LRP6: variants seen among roughly 807,000 people sequenced by gnomAD.
LRP6 encodes the protein low-density lipoprotein receptor-related protein 6.
A neutral mutation model predicts 184.1 loss-of-function variants in LRP6; 43 were observed. The observed-to-expected ratio is 0.23, with a 90% confidence interval of 0.18 to 0.30. The LOEUF is 0.30. LRP6 is among the 10% of genes least tolerant of loss of function. The pLI, the probability that LRP6 is intolerant of heterozygous loss-of-function variation, is 1.00. For missense variants in LRP6, 1,571 were observed against 2,005.3 expected, an observed-to-expected ratio of 0.78 and a Z score of 4.14; for synonymous variants, 719 against 684.9, an observed-to-expected ratio of 1.05 and a Z score of -0.78.
At chr12:12,162,832 T>A (rs1411385456) in intron 9 of LRP6, among the ~76,000 whole-genome samples, 1 of 152,226 alleles carries the variant, frequency 6.6e-6, no homozygotes, top group Non-Finnish European at 1.5e-5. Flanking sequence ...ACCATTATAC[T>A]ACCATTATAG....
At chr12:12,220,287 C>CAAAA (rs924870246) in intron 2 of LRP6, among the ~76,000 whole-genome samples, 1 of 126,448 alleles carries the variant, frequency 7.9e-6, no homozygotes. Context: ...GAACCTGCCT[C>CAAAA]AAAAAAAAAA....
intron 3 of LRP6, among the ~76,000 whole-genome samples, chr12:12,191,861 T>C (rs532817095): frequency 6.9e-4 from 104 of 150,970 alleles, no homozygotes; most frequent in Non-Finnish European, 3.6e-4. Context: ...TATTACATAA[T>C]AGAAAAAAAT....
At chr12:12,144,583 G>GC (rs1456246260) in intron 15 of LRP6, among the ~76,000 whole-genome samples, 1 of 152,194 alleles carries the variant, frequency 6.6e-6, no homozygotes, top group Non-Finnish European at 1.5e-5. Context: ...TGAGGCTGCA[G>GC]CAAGCTATAA....
intron 19 of LRP6, among the ~76,000 whole-genome samples, chr12:12,129,550 GTCTTTTTTT>G (rs1354312821): frequency 6.6e-6 from 1 of 151,776 alleles, no homozygotes; most frequent in Non-Finnish European, 1.5e-5. Flanking sequence ...TCAACACCCA[GTCTTTTTTT>G]TCTTTTTTTT....
chr12:12,116,955 T>C lies in LRP6; in HGVS notation c.*4171A>G, dbSNP rs1271159843. 1 of 151,890 alleles carries C rather than the reference T, an allele frequency of 6.6e-6. No homozygotes were observed. Among genetic ancestry groups the C allele is most frequent in the Non-Finnish European group, 1.5e-5 (1 of 68,018 alleles). The allele number at this position is 151,890 out of a possible 1,614,324, so 9.4% of individuals were successfully genotyped here. A position where few individuals can be genotyped will look rare whatever the true frequency, so the allele number is the denominator to read the frequency against. ...GAGTGTGAATTCACAATACTTATAATTTAAATTTTAAAAAAATTATAAACG... is the reference window on the plus strand; with the variant it reads ...GAGTGTGAATTCACAATACTTATAACTTAAATTTTAAAAAAATTATAAACG... On this transcript the variant is annotated 3_prime_UTR_variant, in exon 23 of 23. Coordinates refer to ENST00000261349, the MANE Select transcript of LRP6 (RefSeq NM_002336.3).
At chr12:12,143,974 CCCT>C (rs1336385978) in intron 15 of LRP6, among the ~76,000 whole-genome samples, 4 of 152,088 alleles carry the variant, frequency 2.6e-5, no homozygotes, top group African/African-American at 9.7e-5. Flanking sequence ...AATTTCTCAT[CCCT>C]CAACTCCCAT....
intron 3 of LRP6, among the ~76,000 whole-genome samples, chr12:12,192,722 G>A (rs546285979): frequency 6.6e-6 from 1 of 152,016 alleles, no homozygotes; most frequent in Non-Finnish European, 1.5e-5. Context: ...CCTAAAAACA[G>A]AGCCCCAGAA....
chr12:12,149,993 C>T (rs34546524), intron 13 of LRP6, among the ~76,000 whole-genome samples: 8,963 of 152,104 alleles, frequency 0.059, 316 homozygotes, highest in Middle Eastern at 0.18. Context: ...CTCAGCAGCC[C>T]TAAATATATT....
At position 12,204,220 on chromosome 12, in the gene LRP6, T is replaced by C. The variant is rs926061127; in HGVS notation, c.450-820A>G. Among the ~76,000 whole-genome samples the C allele has an allele frequency of 2.0e-5, 3 of 147,930 alleles. No homozygotes were observed. In the South Asian group the frequency reaches 6.5e-4, roughly 32 times the overall value. ...ATAAAATTATGAGGAAACAGTGTGA[T>C]TCAAGTCGAGAGACACTACAAAACA... On this transcript the variant is annotated intron_variant, in intron 2 of 22. Transcript: ENST00000261349.
At chr12:12,155,752 C>G in intron 12 of LRP6, 1 of 979,668 alleles carries the variant, frequency 1.0e-6, no homozygotes, top group Non-Finnish European at 1.7e-6. Flanking sequence ...GGAACCTATT[C>G]CCTATGAATT....
At position 12,173,954 on chromosome 12, in the gene LRP6, T is replaced by C. The variant is rs113158489; in HGVS notation, c.1545+5856A>G. The stretch of plus-strand genomic sequence containing the variant: ...GGAATCTAATGATGGAGTTTATCAA[T>C]ATCATTCTTCTCTGATCATATGTTA... On this transcript the variant is annotated intron_variant, in intron 7 of 22. Coordinates refer to ENST00000261349, the MANE Select transcript of LRP6 (RefSeq NM_002336.3). 6.0e-3 allele frequency among the ~76,000 whole-genome samples: 909 copies of C among 152,324 alleles called. 6 individuals carry two copies. Among genetic ancestry groups the C allele is most frequent in the Middle Eastern group, 0.024 (7 of 294 alleles).
chr12:12,219,717 C>A (rs1193295224), intron 2 of LRP6, among the ~76,000 whole-genome samples: 3 of 152,172 alleles, frequency 2.0e-5, no homozygotes, highest in Admixed American at 1.3e-4. Context: ...TTGGAGAATT[C>A]TTCACTTTAT....
chr12:12,218,097 G>T (rs1025722867), intron 2 of LRP6, among the ~76,000 whole-genome samples: 23 of 152,312 alleles, frequency 1.5e-4, no homozygotes, highest in African/African-American at 5.5e-4. Context: ...GCAACCCACA[G>T]AACAGGAAAT....
At chr12:12,244,725 CA>C in intron 1 of LRP6, 70 bp from the exon 2 acceptor site, 10 of 1,490,508 alleles carry the variant, frequency 6.7e-6, no homozygotes, top group Non-Finnish European at 9.2e-6. Flanking sequence ...AACTGCGTTT[CA>C]AATCGGTTTA....
At chr12:12,230,016 T>TG (rs1864740444) in intron 2 of LRP6, among the ~76,000 whole-genome samples, 1 of 152,252 alleles carries the variant, frequency 6.6e-6, no homozygotes, top group Non-Finnish European at 1.5e-5. Context: ...TGTTATATGC[T>TG]GTTCATTAGC....
intron 15 of LRP6, among the ~76,000 whole-genome samples, chr12:12,140,849 G>A (rs1949923472): frequency 6.6e-6 from 1 of 151,960 alleles, no homozygotes; most frequent in Non-Finnish European, 1.5e-5. Context: ...TGATCTGCCC[G>A]CCTCAGCCTC....
At chr12:12,152,260 C>G (rs1258627925) in intron 12 of LRP6, among the ~76,000 whole-genome samples, 1 of 152,184 alleles carries the variant, frequency 6.6e-6, no homozygotes, top group Non-Finnish European at 1.5e-5. Context: ...GCCTCCCCAG[C>G]CATGTGGAAC....
At chr12:12,186,658 CTT>C (rs34355990) in intron 4 of LRP6, 2,596 of 284,712 alleles carry the variant, frequency 9.1e-3, no homozygotes, top group Middle Eastern at 0.013. Flanking sequence ...GGGATTTTAA[CTT>C]TTTTTTTTTT....
intron 17 of LRP6, among the ~76,000 whole-genome samples, chr12:12,134,049 CT>C (rs1466694273): frequency 3.3e-5 from 5 of 152,122 alleles, no homozygotes; most frequent in African/African-American, 1.2e-4. Flanking sequence ...TTCAAATCCC[CT>C]ACGGTCCAAG....
Sources: gnomAD v4.1 joint callset for allele counts (sites outside exome capture counted in the v4.1 genomes callset) on GRCh38, gnomAD v4.1.1 for gene constraint, MANE v1.5 for transcripts, NCBI Gene and HGNC (gene_info 2026-07-23, HGNC 2026-07-21) for gene names.